SHROOM3: variants seen among roughly 807,000 people sequenced by gnomAD.
The protein encoded by SHROOM3 is protein Shroom3.
Under a neutral mutation model 138.6 loss-of-function variants are expected in SHROOM3, and 47 were observed. The ratio of observed to expected loss-of-function variants is 0.34; its 90% confidence interval spans 0.27 to 0.43. The LOEUF (loss-of-function observed/expected upper bound fraction) is 0.43. Ranked by LOEUF, SHROOM3 falls within the 20% of genes least tolerant of loss-of-function variation. The pLI is 1.00. For missense variants in SHROOM3, 2,491 were observed against 2,596.5 expected (o/e 0.96, Z 0.88); for synonymous variants, 1,062 against 1,063.3 (o/e 1.00, Z 0.02).
At chr4:76,551,989 G>C (rs1450985388) in intron 1 of SHROOM3, among the ~76,000 whole-genome samples, 3 of 148,446 alleles carry the variant, frequency 2.0e-5, no homozygotes, top group South Asian at 4.3e-4. Context: ...AGCCTCCCGA[G>C]TAGCTGGGAC....
At chr4:76,618,554 C>A (rs1734931956) in intron 2 of SHROOM3, among the ~76,000 whole-genome samples, 1 of 152,062 alleles carries the variant, frequency 6.6e-6, no homozygotes, top group South Asian at 2.1e-4. Flanking sequence ...ACTCATTTAC[C>A]TTTTATCCAG....
intron 2 of SHROOM3, among the ~76,000 whole-genome samples, chr4:76,601,898 A>AT (rs1278169995): frequency 2.0e-5 from 3 of 152,192 alleles, no homozygotes; most frequent in Admixed American, 2.0e-4. Context: ...CAAAGTCCTC[A>AT]GGCCAGATGC....
chr4:76,586,171 G>A, intron 2 of SHROOM3: 1 of 857,694 alleles, frequency 1.2e-6, no homozygotes, highest in Non-Finnish European at 1.4e-6. Flanking sequence ...TCAGGCAGGC[G>A]GCCGGCGATT....
intron 3 of SHROOM3, among the ~76,000 whole-genome samples, chr4:76,717,756 T>G (rs1049135985): frequency 1.2e-4 from 18 of 152,186 alleles, no homozygotes; most frequent in African/African-American, 4.3e-4. Context: ...AAGGAACCCA[T>G]GTGTATATTC....
At chr4:76,699,279 C>T (rs1039529629) in intron 2 of SHROOM3, among the ~76,000 whole-genome samples, 10 of 152,324 alleles carry the variant, frequency 6.6e-5, no homozygotes, top group South Asian at 2.1e-4. Context: ...AATTCCAACT[C>T]GGAGCCTGCA....
Position 76,756,572 on chromosome 4 carries a change from G to C in SHROOM3, c.4833G>C (p.Glu1611Asp), listed in dbSNP as rs1476288604. ...CTTCTATCAAGGGTTCAGAGGCTGA[G>C]TCCACACCACCCTCCTTCATGAGCG... ...LQTSIKGSEA[E>D]STPPSFMSVH... Residue 1611 changes from glutamate (E) to aspartate (D), a missense_variant, in exon 8 of 11, where the codon GAG becomes GAC. By Grantham distance (45) the Glu-to-Asp change is conservative (BLOSUM62 2). Transcript: ENST00000296043. 1 of 1,613,742 alleles carries C rather than the reference G, an allele frequency of 6.2e-7. No individual in the cohort carries two copies. The highest frequency in any genetic ancestry group is 1.3e-5 in the African/African-American group (1 of 74,872).
intron 2 of SHROOM3, among the ~76,000 whole-genome samples, chr4:76,659,819 T>C (rs1736144785): frequency 6.6e-6 from 1 of 152,150 alleles, no homozygotes; most frequent in African/African-American, 2.4e-5. Context: ...TGACATCAGG[T>C]GATCCACCCT....
chr4:76,495,201 T>C (rs968953168), intron 1 of SHROOM3, among the ~76,000 whole-genome samples: 1 of 152,202 alleles, frequency 6.6e-6, no homozygotes, highest in Non-Finnish European at 1.5e-5. Context: ...GCGTGGACAC[T>C]GTAAAAGCTG....
chr4:76,596,580 A>AC (rs1734391801), intron 2 of SHROOM3, among the ~76,000 whole-genome samples: 1 of 115,442 alleles, frequency 8.7e-6, no homozygotes, highest in Non-Finnish European at 1.7e-5. Context: ...AGGTACAGAG[A>AC]AACACACACA....
rs545823684 is a variant in SHROOM3 at position 76,548,818 on chromosome 4, C to T, written c.169-6791C>T. ...GAAGGGAAAAAGCGTGCTTAGCTTCCGGGCTCCAATGTGCGGATATACACC... is the reference window on the plus strand; with the variant it reads ...GAAGGGAAAAAGCGTGCTTAGCTTCTGGGCTCCAATGTGCGGATATACACC... On this transcript the variant is annotated intron_variant, in intron 1 of 10. Coordinates refer to ENST00000296043, the MANE Select transcript of SHROOM3 (RefSeq NM_020859.4). Among the ~76,000 whole-genome samples, 8 of 152,266 alleles carry T rather than the reference C, an allele frequency of 5.3e-5. 1 individual carries two copies. Among genetic ancestry groups the T allele is most frequent in the African/African-American group, 7.2e-5 (3 of 41,556 alleles).
At chr4:76,520,655 A>G (rs889744664) in intron 1 of SHROOM3, among the ~76,000 whole-genome samples, 1 of 152,166 alleles carries the variant, frequency 6.6e-6, no homozygotes, top group African/African-American at 2.4e-5. Context: ...TCTGAGTGTG[A>G]TCCAGGTTGT....
At chr4:76,717,992 G>C (rs1269538396) in intron 3 of SHROOM3, among the ~76,000 whole-genome samples, 1 of 152,152 alleles carries the variant, frequency 6.6e-6, no homozygotes, top group Non-Finnish European at 1.5e-5. Context: ...GTCAGCGCTT[G>C]CTTCTATAGA....
At chr4:76,767,283 A>G (rs1241141221) in intron 9 of SHROOM3, among the ~76,000 whole-genome samples, 2 of 152,164 alleles carry the variant, frequency 1.3e-5, no homozygotes, top group Non-Finnish European at 2.9e-5. Flanking sequence ...TGAAAGGATG[A>G]GTTCTCTCCT....
At chr4:76,441,510 C>T (rs1730682460) in intron 1 of SHROOM3, among the ~76,000 whole-genome samples, 1 of 152,184 alleles carries the variant, frequency 6.6e-6, no homozygotes, top group Admixed American at 6.5e-5. Flanking sequence ...GCTCGTCATT[C>T]TGACCTTTTA....
At chr4:76,672,176 C>G (rs1038776518) in intron 2 of SHROOM3, among the ~76,000 whole-genome samples, 1 of 151,942 alleles carries the variant, frequency 6.6e-6, no homozygotes, top group African/African-American at 2.4e-5. Context: ...AAAAAATGAA[C>G]ATAGCAAGAT....
intron 2 of SHROOM3, among the ~76,000 whole-genome samples, chr4:76,608,864 A>G (rs1004511741): frequency 1.3e-5 from 2 of 152,232 alleles, no homozygotes; most frequent in Admixed American, 6.5e-5. Flanking sequence ...AACAAGAATG[A>G]TAATATGAGA....
intron 1 of SHROOM3, among the ~76,000 whole-genome samples, chr4:76,460,445 A>T (rs560529930): frequency 5.3e-4 from 80 of 152,290 alleles, no homozygotes; most frequent in Non-Finnish European, 7.2e-4. Flanking sequence ...TCCATATTAC[A>T]TCTTTACACC....
rs1423758039 is a variant in SHROOM3 at position 76,781,388 on chromosome 4, G to A, written c.*2211G>A. 1 of 152,204 alleles carries A rather than the reference G, an allele frequency of 6.6e-6. No individual in the cohort carries two copies. Among genetic ancestry groups the A allele is most frequent in the Non-Finnish European group, 1.5e-5 (1 of 68,056 alleles). 9.4% of individuals were successfully genotyped at this position (152,204 alleles called of 1,614,324 possible). On this transcript the variant is annotated 3_prime_UTR_variant, in exon 11 of 11. Transcript: ENST00000296043. ...AAGGGATCCTTCCGCTTTGGTCCCA[G>A]AAGTGCTGGGATTACAGGCATGAGC...
chr4:76,485,446 G>A (rs1471657719), intron 1 of SHROOM3, among the ~76,000 whole-genome samples: 1 of 152,122 alleles, frequency 6.6e-6, no homozygotes, highest in Non-Finnish European at 1.5e-5. Context: ...AGCCATTCAT[G>A]GTGTTTTCAT....
Sources: gnomAD v4.1 joint callset for allele counts (sites outside exome capture counted in the v4.1 genomes callset) on GRCh38, gnomAD v4.1.1 for gene constraint, MANE v1.5 for transcripts, NCBI Gene and HGNC (gene_info 2026-07-23, HGNC 2026-07-21) for gene names.